DSCAML1: variants seen among roughly 807,000 people sequenced by gnomAD.
The protein encoded by DSCAML1 is DS cell adhesion molecule like 1.
Under a neutral mutation model 200.5 loss-of-function variants are expected in DSCAML1, and 38 were observed. The observed-to-expected ratio is 0.19, with a 90% CI of 0.15 to 0.25. The LOEUF (loss-of-function observed/expected upper bound fraction) is 0.25. DSCAML1 is among the 10% of genes least tolerant of loss of function. The pLI, the probability that DSCAML1 is intolerant of heterozygous loss-of-function variation, is 1.00. For missense variants in DSCAML1, 2,223 were observed against 2,858.8 expected (o/e 0.78, Z 5.07); for synonymous variants, 1,215 against 1,165.0 (o/e 1.04, Z -0.87).
chr11:117,775,310 T>C (rs1422329130), intron 3 of DSCAML1, among the ~76,000 whole-genome samples: 2 of 152,218 alleles, frequency 1.3e-5, no homozygotes, highest in Non-Finnish European at 2.9e-5. Flanking sequence ...AACCGCTTCT[T>C]CTGGCTGCGT....
At position 117,480,430 on chromosome 11, in the gene DSCAML1, G is replaced by A. The variant is rs1389638501; in HGVS notation, c.2785+13C>T. The A allele has an allele frequency of 1.9e-6, 3 of 1,613,028 alleles. No individual in the cohort carries two copies. The highest frequency in any genetic ancestry group is 2.5e-6 in the Non-Finnish European group (3 of 1,179,580). On this transcript the variant is annotated intron_variant, in intron 14 of 32. Transcript: ENST00000651296. This position sits in a 1 kb window ranked among gnomAD's most constrained non-coding sequence, Gnocchi z 4.1. ...GGCAGGCCACGCTGTCACCCTCCTG[G>A]CCCAGCGCCTACCTGATTTGTTCTT...
At chr11:117,573,143 G>A (rs1451597658) in intron 3 of DSCAML1, among the ~76,000 whole-genome samples, 1 of 152,152 alleles carries the variant, frequency 6.6e-6, no homozygotes, top group Non-Finnish European at 1.5e-5. Flanking sequence ...AAGCTCACAC[G>A]TGTCCTGTCG....
intron 14 of DSCAML1, among the ~76,000 whole-genome samples, chr11:117,476,560 C>T (rs1405688725): frequency 2.0e-5 from 3 of 152,242 alleles, no homozygotes; most frequent in African/African-American, 7.2e-5. Context: ...CACCAGCTTG[C>T]GCTATGAGGC....
At chr11:117,644,617 C>A (rs930306034) in intron 3 of DSCAML1, among the ~76,000 whole-genome samples, 2 of 152,262 alleles carry the variant, frequency 1.3e-5, no homozygotes, top group Admixed American at 1.3e-4. Context: ...TTATTAAATA[C>A]GTTCAAGAGC....
At chr11:117,635,572 C>T (rs546084295) in intron 3 of DSCAML1, among the ~76,000 whole-genome samples, 2 of 149,772 alleles carry the variant, frequency 1.3e-5, no homozygotes, top group South Asian at 2.1e-4. Context: ...GAATAATATT[C>T]GTTGAGGAGG....
rs1253643716 is a variant in DSCAML1 at position 117,480,072 on chromosome 11, G to A, written c.2785+371C>T. Among the ~76,000 whole-genome samples the A allele has an allele frequency of 1.3e-5, 2 of 152,186 alleles. No individual in the cohort carries two copies. Among genetic ancestry groups the A allele is most frequent in the African/African-American group, 4.8e-5 (2 of 41,454 alleles). Reference sequence around the variant, plus strand: ...TCATCCTCCTCATCCCAGACCAGGAGCACCCATATGACCTGGCCAAACCCG... The same window carrying A: ...TCATCCTCCTCATCCCAGACCAGGAACACCCATATGACCTGGCCAAACCCG... On this transcript the variant is annotated intron_variant, in intron 14 of 32. Transcript: ENST00000651296. This position sits in a 1 kb window ranked among gnomAD's most constrained non-coding sequence, Gnocchi z 4.1.
At position 117,461,451 on chromosome 11, in the gene DSCAML1, C is replaced by T. The variant is rs1330972633; in HGVS notation, c.3411G>A (p.Gly1137=). ...AGCCATCAGTCCCAGCAGACTCACC[C>T]CCATCAACATAGAGGGACCAGAAGA... is the stretch of plus-strand genomic sequence containing the variant. The part of the protein sequence containing the change: ...RVIFWSLYVD[G]EWGEMQNITT... Residue 1137 remains glycine (G), a splice_region_variant and synonymous_variant, in exon 18 of 33, where the codon GGG becomes GGA. Transcript: ENST00000651296. The T allele has an allele frequency of 4.3e-6, 7 of 1,614,062 alleles. No homozygotes were observed. The highest frequency in any genetic ancestry group is 1.3e-5 in the African/African-American group (1 of 74,940).
intron 3 of DSCAML1, among the ~76,000 whole-genome samples, chr11:117,737,065 G>T (rs2054330163): frequency 6.6e-6 from 1 of 152,150 alleles, no homozygotes; most frequent in Non-Finnish European, 1.5e-5. Flanking sequence ...CAGGCTCCAG[G>T]TGAGAGATCT....
chr11:117,451,878 G>T (rs533068358), intron 19 of DSCAML1, among the ~76,000 whole-genome samples: 1 of 151,910 alleles, frequency 6.6e-6, no homozygotes, highest in Non-Finnish European at 1.5e-5. Context: ...TCAATAAATT[G>T]TAACGATTAT....
chr11:117,717,207 G>T (rs886263899), intron 3 of DSCAML1, among the ~76,000 whole-genome samples: 2 of 152,126 alleles, frequency 1.3e-5, no homozygotes, highest in Non-Finnish European at 1.5e-5. Context: ...GGTAGGGCCC[G>T]AGAGCGGCCA....
intron 3 of DSCAML1, among the ~76,000 whole-genome samples, chr11:117,638,314 AAGTG>A: frequency 1.2e-5 from 1 of 82,792 alleles, no homozygotes; most frequent in East Asian, 3.9e-4. Context: ...ACAAGATAGC[AAGTG>A]TGTGTGTGTG....
At chr11:117,494,816 A>T (rs746873393) in intron 11 of DSCAML1, among the ~76,000 whole-genome samples, 77 of 152,306 alleles carry the variant, frequency 5.1e-4, no homozygotes, top group African/African-American at 1.4e-3. Flanking sequence ...AGAGAAGGCC[A>T]TGTGGTGATG....
rs554383158 is a variant in DSCAML1 at position 117,589,252 on chromosome 11, G to A, written c.512-56730C>T. On this transcript the variant is annotated intron_variant, in intron 3 of 32. Transcript: ENST00000651296. ...CGGGCTCCTGCCGACTCTGCAGTGC[G>A]CCTTGGAGATGGCTGCTAGACCCGG... 3.3e-4 allele frequency among the ~76,000 whole-genome samples: 51 copies of A among 152,330 alleles called. 1 individual carries two copies. The highest frequency in any genetic ancestry group is 5.6e-4 in the Non-Finnish European group (38 of 68,034).
intron 3 of DSCAML1, among the ~76,000 whole-genome samples, chr11:117,647,265 C>T (rs1051470205): frequency 5.9e-5 from 9 of 152,340 alleles, no homozygotes; most frequent in African/African-American, 2.2e-4. Flanking sequence ...GCTGCTCCCC[C>T]AGGAAAGGCT....
chr11:117,711,540 C>T (rs1028556999), intron 3 of DSCAML1, among the ~76,000 whole-genome samples: 2 of 152,116 alleles, frequency 1.3e-5, no homozygotes, highest in Non-Finnish European at 2.9e-5. Context: ...GAGTTGGCAC[C>T]GGGGACATGT....
intron 3 of DSCAML1, among the ~76,000 whole-genome samples, chr11:117,608,034 G>A (rs988751528): frequency 3.3e-5 from 5 of 152,196 alleles, no homozygotes; most frequent in African/African-American, 9.6e-5. Context: ...GCTAAAAGAC[G>A]TTTCATCTAC....
chr11:117,667,304 C>G (rs1036917652), intron 3 of DSCAML1, among the ~76,000 whole-genome samples: 3 of 152,136 alleles, frequency 2.0e-5, no homozygotes, highest in African/African-American at 4.8e-5. Context: ...CCTAGCTACT[C>G]GGGAGGTTGA....
chr11:117,671,849 C>T (rs541616983), intron 3 of DSCAML1, among the ~76,000 whole-genome samples: 33 of 151,908 alleles, frequency 2.2e-4, no homozygotes, highest in Admixed American at 7.9e-4. Context: ...CGGTGGCTCA[C>T]GCCTGTAATC....
intron 3 of DSCAML1, among the ~76,000 whole-genome samples, chr11:117,554,673 G>A (rs538573670): frequency 2.8e-4 from 43 of 152,210 alleles, no homozygotes; most frequent in Non-Finnish European, 5.0e-4. Context: ...CACCGCGCCC[G>A]GCCTGGCACA....
Sources: allele counts gnomAD v4.1 joint callset (sites outside exome capture counted in the v4.1 genomes callset), GRCh38; gene constraint gnomAD v4.1.1; non-coding constraint Gnocchi (gnomAD v3.1); transcripts MANE v1.5; gene names NCBI Gene and HGNC (gene_info 2026-07-23, HGNC 2026-07-21).